Variants in SERPINE2 observed in about 807,000 individuals in gnomAD.
SERPINE2 encodes glia-derived nexin.
Under a neutral mutation model 36.3 loss-of-function variants are expected in SERPINE2, and 14 were observed. The observed-to-expected ratio is 0.39, with a 90% CI of 0.25 to 0.60. SERPINE2 has a LOEUF of 0.60. SERPINE2 is among the 20% of genes least tolerant of loss of function. The probability of loss-of-function intolerance (pLI) is 0.57; values close to 1 mark genes in which losing one functional copy is unlikely to be tolerated. For synonymous variants in SERPINE2, 192 were observed against 191.8 expected (o/e 1.00, Z -0.01); for missense variants, 418 against 499.6 (o/e 0.84, Z 1.56).
At chr2:223,980,927 G>C (rs951935783) in intron 6 of SERPINE2, 1 of 153,148 alleles carries the variant, frequency 6.5e-6, no homozygotes, top group African/African-American at 2.4e-5. Context: ...TAAGAGAAGA[G>C]TGTCGAACAA....
chr2:223,978,582 T>A (rs1441377461), intron 7 of SERPINE2: 2 of 152,234 alleles, frequency 1.3e-5, no homozygotes, highest in Non-Finnish European at 2.9e-5. Context: ...TGTTTCCATT[T>A]AATAAGCCTG....
chr2:223,978,503 T>C (rs1226885139), intron 7 of SERPINE2: 2 of 152,272 alleles, frequency 1.3e-5, no homozygotes, highest in African/African-American at 4.8e-5. Context: ...TCACCAGGTG[T>C]AGGCATCTGA....
chr2:224,019,748 G>T (rs1175477137), intron 1 of SERPINE2, among the ~76,000 whole-genome samples: 2 of 27,990 alleles, frequency 7.1e-5, no homozygotes, highest in Non-Finnish European at 1.7e-4. Flanking sequence ...ATTTGAGGAA[G>T]TCTTTTTTTT....
chr2:224,015,356 G>T (rs1457014213), intron 1 of SERPINE2, among the ~76,000 whole-genome samples: 2 of 152,240 alleles, frequency 1.3e-5, no homozygotes, highest in South Asian at 2.1e-4. Context: ...CCAGGGAAGT[G>T]CTCCTGGGAA....
intron 1 of SERPINE2, among the ~76,000 whole-genome samples, chr2:224,010,962 A>G (rs1402548115): frequency 6.6e-6 from 1 of 152,164 alleles, no homozygotes; most frequent in Non-Finnish European, 1.5e-5. Flanking sequence ...ACTATTTAAG[A>G]CTCAGAAATA....
intron 3 of SERPINE2, among the ~76,000 whole-genome samples, chr2:223,997,207 T>G (rs1160273257): frequency 7.3e-6 from 1 of 137,178 alleles, no homozygotes. Flanking sequence ...AAGGTTTTTT[T>G]GTTTTTTTGT....
intron 2 of SERPINE2, among the ~76,000 whole-genome samples, chr2:224,000,767 T>C (rs1258063246): frequency 3.9e-5 from 6 of 152,146 alleles, no homozygotes; most frequent in Admixed American, 1.3e-4. Flanking sequence ...ACTCCCACTT[T>C]TGAGTGAGAA....
Position 223,984,868 on chromosome 2 carries a change from T to G in SERPINE2, c.768A>C (p.Ala256=). 6.2e-7 allele frequency: 1 copy of G among 1,614,198 alleles called. No homozygotes were observed. The highest frequency in any genetic ancestry group is 8.5e-7 in the Non-Finnish European group (1 of 1,180,016). The part of the protein sequence containing the change: ...YHGESISMLI[A]LPTESSTPLS... ...GCGGAGTGGAGCTCTCAGTCGGCAGTGCAATCAGCATGCTGATGCTTTCCC... is the reference window on the plus strand; with the variant it reads ...GCGGAGTGGAGCTCTCAGTCGGCAGGGCAATCAGCATGCTGATGCTTTCCC... Residue 256 remains alanine (A), a synonymous_variant, in exon 5 of 9, where the codon GCA becomes GCC. Transcript: ENST00000409304.
At chr2:224,016,085 A>G (rs148636818) in intron 1 of SERPINE2, among the ~76,000 whole-genome samples, 1 of 152,382 alleles carries the variant, frequency 6.6e-6, no homozygotes, top group East Asian at 1.9e-4. Flanking sequence ...ATGAGATGTC[A>G]CTATATGTCC....
intron 1 of SERPINE2, among the ~76,000 whole-genome samples, chr2:224,036,135 T>G (rs1001380773): frequency 6.6e-6 from 1 of 152,132 alleles, no homozygotes; most frequent in Non-Finnish European, 1.5e-5. Context: ...GGTAACTGAT[T>G]GGAACACAGG....
chr2:224,000,073 G>C (rs1276414799), intron 2 of SERPINE2, among the ~76,000 whole-genome samples: 1 of 152,198 alleles, frequency 6.6e-6, no homozygotes, highest in African/African-American at 2.4e-5. Flanking sequence ...AGTCGGAGGC[G>C]GGTGCAGAGC....
intron 5 of SERPINE2, among the ~76,000 whole-genome samples, chr2:223,983,882 C>G (rs189413144): frequency 4.0e-5 from 6 of 150,926 alleles, no homozygotes; most frequent in Admixed American, 4.0e-4. Context: ...GGTAAAGAAC[C>G]TGTTCTTCAC....
chr2:224,029,999 G>A, intron 1 of SERPINE2: 1 of 932,188 alleles, frequency 1.1e-6, no homozygotes, highest in Non-Finnish European at 1.3e-6. Flanking sequence ...AGACATGTCT[G>A]GCCCTGCATA....
intron 1 of SERPINE2, among the ~76,000 whole-genome samples, chr2:224,031,923 C>T (rs1476512340): frequency 6.6e-6 from 1 of 152,080 alleles, no homozygotes; most frequent in South Asian, 2.1e-4. Context: ...GAGAAGAAAG[C>T]CTCCAAGTCC....
chr2:223,982,389 G>C (rs1016002147), intron 6 of SERPINE2: 1 of 269,024 alleles, frequency 3.7e-6, no homozygotes, highest in Non-Finnish European at 7.1e-6. Flanking sequence ...TACTACTCGG[G>C]GGAGGGGTGT....
At chr2:224,002,273 G>A (rs1691207702) in intron 1 of SERPINE2, among the ~76,000 whole-genome samples, 1 of 134,308 alleles carries the variant, frequency 7.4e-6, no homozygotes, top group South Asian at 2.6e-4. Context: ...CACTGTACCT[G>A]GCCTGCGAGG....
chr2:223,991,970 A>T lies in SERPINE2; in HGVS notation c.518T>A (p.Leu173His). Residue 173 changes from leucine to histidine, a missense_variant, in exon 4 of 9, where the codon CTT becomes CAT. Physicochemically the swap from Leu to His is moderately conservative, Grantham distance 99 (BLOSUM62 -3). Coordinates refer to ENST00000409304, the MANE Select transcript of SERPINE2 (RefSeq NM_001136528.2). ...DMIDNLLSPD[L>H]IDGVLTRLVL... ...CAGTCTGGTGAGCACACCATCAATA[A>T]GATCTGGGGACAGCAGATTGTCAAT... 1 of 1,614,008 alleles carries T rather than the reference A, an allele frequency of 6.2e-7. No individual in the cohort carries two copies.
intron 1 of SERPINE2, among the ~76,000 whole-genome samples, chr2:224,020,253 T>G (rs945907143): frequency 5.9e-5 from 9 of 152,182 alleles, no homozygotes; most frequent in African/African-American, 2.2e-4. Flanking sequence ...GCATCAGTAT[T>G]CCAGGTGACG....
chr2:224,004,471 G>A (rs748768950), intron 1 of SERPINE2, among the ~76,000 whole-genome samples: 4 of 152,112 alleles, frequency 2.6e-5, no homozygotes, highest in Non-Finnish European at 4.4e-5. Flanking sequence ...CGCTGCTCCC[G>A]CTTGGGCTCA....
Sources: gnomAD v4.1 joint callset for allele counts (sites outside exome capture counted in the v4.1 genomes callset) on GRCh38, gnomAD v4.1.1 for gene constraint, MANE v1.5 for transcripts, NCBI Gene and HGNC (gene_info 2026-07-23, HGNC 2026-07-21) for gene names.